Variants in GIGYF2 observed in about 807,000 individuals in gnomAD.
GIGYF2 encodes GRB10-interacting GYF protein 2.
In GIGYF2, 25 loss-of-function variants were observed where a neutral mutation model predicts 208.1. The observed-to-expected ratio is 0.12, with a 90% CI of 0.09 to 0.17. The LOEUF (loss-of-function observed/expected upper bound fraction) is 0.17. Among genes scored for constraint, GIGYF2 ranks in the 10% least tolerant of loss-of-function variants. The pLI, the probability that GIGYF2 is intolerant of heterozygous loss-of-function variation, is 1.00. For synonymous variants in GIGYF2, 534 were observed against 543.8 expected, an observed-to-expected ratio of 0.98 and a Z score of 0.25; for missense variants, 1,302 against 1,579.4, an observed-to-expected ratio of 0.82 and a Z score of 2.98.
In GIGYF2 at chr2:232,844,222, A is replaced by G. The variant is rs779990667; in HGVS notation, c.3066A>G (p.Gln1022=). The change falls in exon 24 of 29, where the codon CAA becomes CAG. Residue 1022 remains glutamine, a synonymous_variant. Coordinates refer to ENST00000373563, the MANE Select transcript of GIGYF2 (RefSeq NM_001103146.3). ...AAAAGCAGCAGCAGCAGCAGCAGCA[A>G]CACCAGCAACCAAACAGAGCTCGTA... ...QMQKQQQQQQ[Q]HQQPNRARNN... 1.9e-6 allele frequency: 3 copies of G among 1,565,714 alleles called. No homozygotes were observed. Among genetic ancestry groups the G allele is most frequent in the South Asian group, 1.2e-5 (1 of 86,682 alleles).
At chr2:232,822,650 C>T (rs892749342) in intron 21 of GIGYF2, among the ~76,000 whole-genome samples, 5 of 151,718 alleles carry the variant, frequency 3.3e-5, no homozygotes, top group Non-Finnish European at 5.9e-5. Flanking sequence ...TGCATTCCAG[C>T]CTGGGCGACA....
chr2:232,848,961 G>A (rs1178731584), intron 27 of GIGYF2, among the ~76,000 whole-genome samples: 2 of 152,160 alleles, frequency 1.3e-5, no homozygotes, highest in Admixed American at 6.5e-5. Context: ...AAGATGGCAA[G>A]GCTCATGGAA....
chr2:232,847,315 G>T (rs762945342), intron 26 of GIGYF2, 33 bp from the exon 27 acceptor site: 1 of 1,604,402 alleles, frequency 6.2e-7, no homozygotes, highest in South Asian at 1.1e-5. Context: ...TTATTTCATT[G>T]TTACCCTTAT....
chr2:232,776,859 A>C, intron 8 of GIGYF2: 1 of 166,314 alleles, frequency 6.0e-6, no homozygotes, highest in Non-Finnish European at 1.3e-5. Context: ...AAGGGATAAA[A>C]TTCCCTGCAA....
chr2:232,782,209 A>T (rs572494019), intron 8 of GIGYF2, among the ~76,000 whole-genome samples: 68 of 151,984 alleles, frequency 4.5e-4, no homozygotes, highest in South Asian at 1.3e-3. Context: ...CTTTTTAAAA[A>T]ATTTTTTTTT....
At chr2:232,846,126 A>G (rs1701996018) in intron 26 of GIGYF2, among the ~76,000 whole-genome samples, 1 of 152,204 alleles carries the variant, frequency 6.6e-6, no homozygotes, top group South Asian at 2.1e-4. Flanking sequence ...GACTGCCTTA[A>G]TGATACACAG....
chr2:232,730,614 A>AAG (rs1415559571), intron 2 of GIGYF2, among the ~76,000 whole-genome samples: 1 of 145,354 alleles, frequency 6.9e-6, no homozygotes, highest in African/African-American at 2.6e-5. Context: ...TAAAAAAAAA[A>AAG]AAGGCCGGGC....
chr2:232,855,638 G>A (rs982641135), intron 28 of GIGYF2, among the ~76,000 whole-genome samples: 2 of 152,068 alleles, frequency 1.3e-5, no homozygotes, highest in African/African-American at 4.8e-5. Flanking sequence ...AAAGCTCTGG[G>A]CCAGAACTTT....
Position 232,801,773 on chromosome 2 carries a change from C to T in GIGYF2, c.1640-4718C>T, listed in dbSNP as rs146067543. Among the ~76,000 whole-genome samples the T allele has an allele frequency of 1.8e-3, 267 of 152,246 alleles. 8 individuals are homozygous for T. The East Asian group carries it at 0.037, about 21-fold the overall frequency. On this transcript the variant is annotated intron_variant, in intron 14 of 28. Transcript: ENST00000373563. ...GGCCATTTGCTGTCTTTTGAGACTT[C>T]GTATGTATTTTAGGATGGGATTTTT...
intron 22 of GIGYF2, among the ~76,000 whole-genome samples, chr2:232,836,302 A>T (rs1450835078): frequency 0.021 from 442 of 21,254 alleles, 19 homozygotes; most frequent in African/African-American, 0.032. Context: ...ATATATATAT[A>T]TATATATATA....
chr2:232,815,984 T>TATA (rs1232568039), intron 19 of GIGYF2: 1 of 480,602 alleles, frequency 2.1e-6, no homozygotes, highest in African/African-American at 2.0e-5. Flanking sequence ...TAGACACATA[T>TATA]ATATTTTAGG....
intron 8 of GIGYF2, chr2:232,768,832 A>ATT (rs564583458): frequency 2.5e-6 from 4 of 1,582,798 alleles, no homozygotes; most frequent in African/African-American, 2.7e-5. Context: ...GAAATTATTG[A>ATT]TTTTTTTTTA....
chr2:232,776,321 T>A, intron 8 of GIGYF2: 1 of 697,106 alleles, frequency 1.4e-6, no homozygotes, highest in Non-Finnish European at 2.5e-6. Context: ...TATCCTACAC[T>A]ATAGATAATG....
At chr2:232,769,505 C>CAAAAAAA (rs34912964) in intron 8 of GIGYF2, among the ~76,000 whole-genome samples, 1 of 66,536 alleles carries the variant, frequency 1.5e-5, no homozygotes, top group Non-Finnish European at 3.2e-5. Context: ...GACTCCATCT[C>CAAAAAAA]AAAAAAAAAA....
At chr2:232,846,610 A>AAT (rs1360723930) in intron 26 of GIGYF2, among the ~76,000 whole-genome samples, 1 of 152,240 alleles carries the variant, frequency 6.6e-6, no homozygotes, top group Non-Finnish European at 1.5e-5. Context: ...AATGGTTTAA[A>AAT]AGCCTACAGA....
rs1700053524 is a variant in GIGYF2, at chr2:232,790,988, GT to G, written c.931-16del. The G allele has an allele frequency of 6.2e-7, 1 of 1,613,808 alleles. No homozygotes were observed. The highest frequency in any genetic ancestry group is 1.3e-5 in the African/African-American group (1 of 74,888). On this transcript the variant is annotated intron_variant, in intron 10 of 28. Transcript: ENST00000373563. ...AAGCCAAATCTGCTGTTGATCTTTG[GT>G]TTTATTCTCTTTCTACAGAAAGTAC...
Position 232,730,358 on chromosome 2 carries a change from A to T in GIGYF2, c.-43-4797A>T, listed in dbSNP as rs1030941502. Among the ~76,000 whole-genome samples the T allele has an allele frequency of 2.0e-5, 3 of 152,082 alleles. No individual in the cohort carries two copies. The South Asian group carries it at 6.2e-4, about 32-fold the overall frequency. ...AGTGGCTCACGCCTGTAGTCCCAGC[A>T]CTTTGGGAGGCCGAGGCAGGTGGAT... On this transcript the variant is annotated intron_variant, in intron 2 of 28. Coordinates refer to ENST00000373563, the MANE Select transcript of GIGYF2 (RefSeq NM_001103146.3).
At chr2:232,709,009 C>G (rs1696260679) in intron 2 of GIGYF2, among the ~76,000 whole-genome samples, 1 of 152,048 alleles carries the variant, frequency 6.6e-6, no homozygotes, top group African/African-American at 2.4e-5. Context: ...GTAATCCCAG[C>G]TACGCGGGAG....
chr2:232,794,379 A>G (rs148495841), intron 12 of GIGYF2, among the ~76,000 whole-genome samples: 47 of 152,314 alleles, frequency 3.1e-4, no homozygotes, highest in African/African-American at 1.0e-3. Flanking sequence ...GAGAGATGAC[A>G]TATCTTTCAG....
Sources: allele counts gnomAD v4.1 joint callset (sites outside exome capture counted in the v4.1 genomes callset), GRCh38; gene constraint gnomAD v4.1.1; transcripts MANE v1.5; gene names NCBI Gene and HGNC (gene_info 2026-07-23, HGNC 2026-07-21).